COL2A1: variants seen among roughly 807,000 people sequenced by gnomAD.
The protein encoded by COL2A1 is collagen alpha-1(II) chain.
In COL2A1, 28 loss-of-function variants were observed where a neutral mutation model predicts 204.5. The observed-to-expected ratio is 0.14, with a 90% CI of 0.10 to 0.19. The LOEUF (loss-of-function observed/expected upper bound fraction) is 0.19. Ranked by LOEUF, COL2A1 falls within the 10% of genes least tolerant of loss-of-function variation. COL2A1 has a pLI of 1.00. For missense variants in COL2A1, 1,388 were observed against 2,027.5 expected (o/e 0.68, Z 6.06); for synonymous variants, 708 against 718.7 (o/e 0.99, Z 0.24).
intron 52 of COL2A1, 79 bp from the exon 53 acceptor site, chr12:47,974,410 G>T (rs1938589408): frequency 6.3e-7 from 1 of 1,576,036 alleles, no homozygotes; most frequent in Non-Finnish European, 8.6e-7. Flanking sequence ...GCTGCCAAGA[G>T]TTCATGGTTC....
chr12:47,999,777 C>T (rs1380814422), intron 2 of COL2A1, 142 bp downstream of exon 2: 3 of 706,802 alleles, frequency 4.2e-6, no homozygotes, highest in South Asian at 1.7e-5. Context: ...TGAGAAGTGG[C>T]CTTTCCTTTC....
Position 47,976,700 on chromosome 12 carries a change from A to G in COL2A1, c.3435+112T>C. On this transcript the variant is annotated intron_variant, in intron 48 of 53. Transcript: ENST00000380518. The surrounding 1 kb of genome is among the most constrained non-coding windows in gnomAD (Gnocchi z 4.3). ...TCCTCCTCCCTCCAGCCCTGAGGAA[A>G]TCCTAGAAACTGCTTAGGGTGATCC... 1 of 1,377,886 alleles carries G rather than the reference A, an allele frequency of 7.3e-7. No individual in the cohort carries two copies. Among genetic ancestry groups the G allele is most frequent in the Non-Finnish European group, 1.0e-6 (1 of 981,350 alleles). 85.4% of individuals were successfully genotyped at this position (1,377,886 alleles called of 1,614,324 possible).
At chr12:47,986,792 G>T in intron 22 of COL2A1, 43 bp downstream of exon 22, 1 of 1,610,702 alleles carries the variant, frequency 6.2e-7, no homozygotes, top group Non-Finnish European at 8.5e-7. Flanking sequence ...GTGCCTCATA[G>T]AACAGCAGCA....
At chr12:47,975,063 A>G (rs1468206357) in intron 51 of COL2A1, among the ~76,000 whole-genome samples, 1 of 152,184 alleles carries the variant, frequency 6.6e-6, no homozygotes, top group East Asian at 1.9e-4. Context: ...CTAAGGAAGA[A>G]CACATGCAAA....
intron 2 of COL2A1, 39 bp from the exon 3 acceptor site, chr12:47,998,470 T>A (rs1940072076): frequency 1.9e-6 from 3 of 1,604,526 alleles, no homozygotes; most frequent in South Asian, 2.2e-5. Context: ...AAGGTAAGAA[T>A]CTTGAGATGG....
Position 47,985,819 on chromosome 12 carries a change from G to A in COL2A1, c.1589C>T (p.Pro530Leu). 3 of 1,610,238 alleles carry A rather than the reference G, an allele frequency of 1.9e-6. No individual in the cohort carries two copies. Among genetic ancestry groups the A allele is most frequent in the East Asian group, 2.2e-5 (1 of 44,762 alleles). ...AAGACCACTGGGCCCTCGCTCTCCA[G>A]GGGCTCCCTACAAGGGTACACAGGG... ...QDGLAGPKGAPGERGPSGLAG... is the reference protein window; with the variant it reads ...QDGLAGPKGALGERGPSGLAG... Residue 530 changes from proline (P) to leucine (L), a missense_variant, in exon 25 of 54, where the codon CCT (proline) becomes CTT (leucine). Physicochemically the swap from Pro to Leu is moderately conservative, Grantham distance 98. Around this residue, in one of 3 missense-constraint regions of COL2A1, gnomAD observed 884 missense variants for 1,415.8 expected, o/e 0.62. Transcript: ENST00000380518.
chr12:47,987,784 A>C lies in COL2A1; in HGVS notation c.1123-75T>G. The C allele has an allele frequency of 5.2e-6, 6 of 1,145,438 alleles. No homozygotes were observed. Among genetic ancestry groups the C allele is most frequent in the Non-Finnish European group, 7.7e-6 (6 of 774,354 alleles). The allele number at this position is 1,145,438 out of a possible 1,614,324, so 71.0% of individuals were successfully genotyped here. A position where few individuals can be genotyped will look rare whatever the true frequency, so the allele number is the denominator to read the frequency against. ...ACCTCTAGTGGGTGGGCAATAGCTCAGGGCCAGCTGCAAGCACAGCACTAA... is the reference window on the plus strand; with the variant it reads ...ACCTCTAGTGGGTGGGCAATAGCTCCGGGCCAGCTGCAAGCACAGCACTAA... On this transcript the variant is annotated intron_variant, in intron 18 of 53. Coordinates refer to ENST00000380518, the MANE Select transcript of COL2A1 (RefSeq NM_001844.5). This position sits in a 1 kb window ranked among gnomAD's most constrained non-coding sequence, Gnocchi z 4.1.
At chr12:47,994,295 G>A (rs549722284) in intron 12 of COL2A1, 129 bp downstream of exon 12, 62 of 1,069,170 alleles carry the variant, frequency 5.8e-5, no homozygotes, top group Middle Eastern at 2.0e-4. Context: ...AAACATGGTC[G>A]TGATAAATAT....
rs1239066133 is a variant in COL2A1 at position 47,989,791 on chromosome 12, G to A, written c.1038C>T (p.Asn346=). Residue 346 remains asparagine, a synonymous_variant, in exon 17 of 54, where the codon AAC becomes AAT. Transcript: ENST00000380518. ...GPAGAAGARG[N]DGQPGPAGPP... ...GCCCTGCGGGGCCTGGCTGACCATC[G>A]TTGCCTCGGGCACCCTGTGAGCAAG... 5 of 1,613,360 alleles carry A rather than the reference G, an allele frequency of 3.1e-6. No homozygotes were observed. Among genetic ancestry groups the A allele is most frequent in the South Asian group, 1.1e-5 (1 of 91,066 alleles).
intron 10 of COL2A1, 70 bp downstream of exon 10, chr12:47,995,640 C>T: frequency 6.9e-7 from 1 of 1,447,484 alleles, no homozygotes; most frequent in Non-Finnish European, 9.7e-7. Flanking sequence ...GGAGGGACAG[C>T]AGCTGCGGTC....
intron 53 of COL2A1, among the ~76,000 whole-genome samples, chr12:47,973,791 A>G (rs975185123): frequency 9.2e-5 from 14 of 151,944 alleles, no homozygotes; most frequent in African/African-American, 3.1e-4. Context: ...CACTCCCCAC[A>G]GTGAGCTCCC....
chr12:47,989,690 G>T, intron 17 of COL2A1, 71 bp downstream of exon 17: 2 of 1,378,554 alleles, frequency 1.5e-6, no homozygotes, highest in South Asian at 2.3e-5. Context: ...ACACCCTGCA[G>T]ACTGCCTTGG....
intron 34 of COL2A1, 80 bp from the exon 35 acceptor site, chr12:47,982,240 T>C: frequency 7.5e-7 from 1 of 1,329,090 alleles, no homozygotes; most frequent in South Asian, 1.2e-5. Flanking sequence ...CAGGCTGGGG[T>C]GCTAGGGAAA....
intron 1 of COL2A1, among the ~76,000 whole-genome samples, chr12:48,003,805 C>A (rs2136650758): frequency 6.6e-6 from 1 of 152,318 alleles, no homozygotes. Flanking sequence ...CTCCCTCGCT[C>A]GCGCTCTCTC....
rs551829820 is a variant in COL2A1, at chr12:47,978,903, C to T, written c.2734-145G>A. On this transcript the variant is annotated intron_variant, in intron 41 of 53. Transcript: ENST00000380518. The surrounding 1 kb of genome is among the most constrained non-coding windows in gnomAD (Gnocchi z 5.5). ...ACTAAGGGCAGGCAGCTTAACCCCCCCAACCCCAATCTACCGCTGCAACCT... is the reference window on the plus strand; with the variant it reads ...ACTAAGGGCAGGCAGCTTAACCCCCTCAACCCCAATCTACCGCTGCAACCT... The T allele has an allele frequency of 2.5e-6, 2 of 815,410 alleles. No individual in the cohort carries two copies. The highest frequency in any genetic ancestry group is 3.3e-4 in the Middle Eastern group (1 of 3,022). 50.5% of individuals were successfully genotyped at this position (815,410 alleles called of 1,614,324 possible).
In COL2A1 at chr12:47,978,095, G is replaced by A. The variant is rs1315629927; in HGVS notation, c.3026C>T (p.Ala1009Val). 9 of 1,613,584 alleles carry A rather than the reference G, an allele frequency of 5.6e-6. No individual in the cohort carries two copies. The highest frequency in any genetic ancestry group is 1.6e-4 in the Middle Eastern group (1 of 6,082). ...GPSGEPGKQG[A>V]PGASGDRGPP... ...ACCTCTGTCTCCAGATGCTCCAGGAGCACCCTGCTTGCCGGGCTCACCCTG... is the reference window on the plus strand; with the variant it reads ...ACCTCTGTCTCCAGATGCTCCAGGAACACCCTGCTTGCCGGGCTCACCCTG... Residue 1009 changes from alanine to valine, a missense_variant, in exon 44 of 54, where the codon GCT becomes GTT. By Grantham distance (64) the Ala-to-Val change is moderately conservative. Transcript: ENST00000380518. The surrounding 1 kb of genome is among the most constrained non-coding windows in gnomAD (Gnocchi z 5.5).
Position 47,976,714 on chromosome 12 carries a change from T to A in COL2A1, c.3435+98A>T. The A allele has an allele frequency of 1.4e-6, 2 of 1,396,340 alleles. No homozygotes were observed. Among genetic ancestry groups the A allele is most frequent in the Non-Finnish European group, 1.0e-6 (1 of 997,892 alleles). The allele number at this position is 1,396,340 out of a possible 1,614,324, so 86.5% of individuals were successfully genotyped here. On this transcript the variant is annotated intron_variant, in intron 48 of 53. Transcript: ENST00000380518. This position sits in a 1 kb window ranked among gnomAD's most constrained non-coding sequence, Gnocchi z 4.3. Reference sequence around the variant, plus strand: ...GCCCTGAGGAAATCCTAGAAACTGCTTAGGGTGATCCCAAGCTGTCCTGGC... The same window carrying A: ...GCCCTGAGGAAATCCTAGAAACTGCATAGGGTGATCCCAAGCTGTCCTGGC...
rs375024988 is a variant in COL2A1 at position 47,976,794 on chromosome 12, G to A, written c.3435+18C>T. ...GGCAGGAGGCCTCGGGAAGTCCCACGCAGGCAGTGACACTCACAGGAGGGC... is the reference window on the plus strand; with the variant it reads ...GGCAGGAGGCCTCGGGAAGTCCCACACAGGCAGTGACACTCACAGGAGGGC... On this transcript the variant is annotated intron_variant, in intron 48 of 53. Transcript: ENST00000380518. The surrounding 1 kb of genome is among the most constrained non-coding windows in gnomAD (Gnocchi z 4.3). The A allele has an allele frequency of 2.3e-5, 37 of 1,603,362 alleles. No homozygotes were observed. The highest frequency in any genetic ancestry group is 1.9e-4 in the African/African-American group (14 of 74,874).
Position 47,980,564 on chromosome 12 carries a change from G to A in COL2A1, c.2615C>T (p.Pro872Leu), listed in dbSNP as rs1306772996. 5 of 1,609,364 alleles carry A rather than the reference G, an allele frequency of 3.1e-6. No homozygotes were observed. The highest frequency in any genetic ancestry group is 4.2e-6 in the Non-Finnish European group (5 of 1,178,076). Residue 872 changes from proline (P) to leucine (L), a missense_variant, in exon 39 of 54, where the codon CCT (proline) becomes CTT (leucine). Pro to Leu is a moderately conservative substitution (Grantham distance 98). Around this residue, in one of 3 missense-constraint regions of COL2A1, gnomAD observed 884 missense variants for 1,415.8 expected, o/e 0.62. Transcript: ENST00000380518. The surrounding 1 kb of genome is among the most constrained non-coding windows in gnomAD (Gnocchi z 4.5). The stretch of plus-strand genomic sequence containing the variant: ...TGCAGCGTTACCCACCTGAGGCCCA[G>A]GTGCTCCAGAGGGGCCCTGAGGACC... ...APGPQGPSGA[P>L]GPQGPTGVTG...
Sources: allele counts gnomAD v4.1 joint callset (sites outside exome capture counted in the v4.1 genomes callset), GRCh38; gene constraint gnomAD v4.1.1; regional missense constraint gnomAD v4.1.1; non-coding constraint Gnocchi (gnomAD v3.1); transcripts MANE v1.5; gene names NCBI Gene and HGNC (gene_info 2026-07-23, HGNC 2026-07-21).